The following NFIB variants were observed in gnomAD, a reference collection of about 807,000 sequenced individuals.
NFIB encodes nuclear factor 1 B-type.
NFIB carries 11 observed loss-of-function variants against 61.5 expected under a neutral mutation model. The ratio of observed to expected loss-of-function variants is 0.18; its 90% CI spans 0.11 to 0.30. NFIB has a LOEUF of 0.30. NFIB is among the 10% of genes least tolerant of loss of function. The probability of loss-of-function intolerance (pLI) is 1.00; values close to 1 mark genes in which losing one functional copy is unlikely to be tolerated. For synonymous variants in NFIB, 260 were observed against 216.5 expected (o/e 1.20, Z -1.76); for missense variants, 471 against 608.9 (o/e 0.77, Z 2.38).
chr9:14,268,777 T>C (rs1563960995), intron 2 of NFIB, among the ~76,000 whole-genome samples: 2 of 152,240 alleles, frequency 1.3e-5, no homozygotes, highest in African/African-American at 4.8e-5. Context: ...ATTACTTCAT[T>C]GGTCTTCATA....
chr9:14,475,912 T>C, the NFIB span, among the ~76,000 whole-genome samples: 2 of 152,180 alleles, frequency 1.3e-5, no homozygotes, highest in Admixed American at 6.5e-5. Context: ...TTCAATTTGG[T>C]AGATCTTCCC....
At chr9:14,223,163 G>A (rs74746795) in intron 2 of NFIB, among the ~76,000 whole-genome samples, 10,689 of 152,282 alleles carry the variant, frequency 0.07, 488 homozygotes, top group Middle Eastern at 0.11. Context: ...CAGCCTGCAG[G>A]CCATGGGTTG....
chr9:14,232,189 A>G (rs2053268390), intron 2 of NFIB, among the ~76,000 whole-genome samples: 1 of 152,198 alleles, frequency 6.6e-6, no homozygotes, highest in African/African-American at 2.4e-5. Context: ...TGTTAGGAAG[A>G]AAAAAACGTA....
intron 10 of NFIB, among the ~76,000 whole-genome samples, chr9:14,105,692 A>C (rs1007407737): frequency 2.0e-5 from 3 of 152,160 alleles, no homozygotes; most frequent in African/African-American, 7.2e-5. Flanking sequence ...ATTCCTAAGA[A>C]AATCAATTTC....
intron 3 of NFIB, among the ~76,000 whole-genome samples, chr9:14,176,270 A>C (rs2046181088): frequency 1.3e-5 from 2 of 151,820 alleles, no homozygotes; most frequent in South Asian, 2.1e-4. Context: ...AAAAAAAAAA[A>C]AAAAACAAAG....
the NFIB span, among the ~76,000 whole-genome samples, chr9:14,460,611 T>C: frequency 6.6e-6 from 1 of 152,198 alleles, no homozygotes; most frequent in Non-Finnish European, 1.5e-5. Context: ...CTGAACTCAA[T>C]ATAATAAATG....
chr9:14,221,674 G>T (rs76361508), intron 2 of NFIB, among the ~76,000 whole-genome samples: 4,076 of 152,182 alleles, frequency 0.027, 171 homozygotes, highest in African/African-American at 0.091. Flanking sequence ...TAACAGCCAG[G>T]GTAAGACCCA....
the NFIB span, among the ~76,000 whole-genome samples, chr9:14,417,906 G>T: frequency 6.7e-6 from 1 of 148,652 alleles, no homozygotes; most frequent in Admixed American, 6.9e-5. Flanking sequence ...TCAGCCTCCC[G>T]GGTAGCTGGG....
the NFIB span, among the ~76,000 whole-genome samples, chr9:14,517,809 G>C: frequency 6.6e-6 from 1 of 152,072 alleles, no homozygotes; most frequent in Admixed American, 6.6e-5. Context: ...TCCCAGTTCA[G>C]AGTCATGCTC....
intron 2 of NFIB, among the ~76,000 whole-genome samples, chr9:14,237,142 T>C (rs1207439728): frequency 2.0e-5 from 3 of 152,178 alleles, no homozygotes; most frequent in Non-Finnish European, 2.9e-5. Context: ...AACAATTGAA[T>C]TTAGCCCTAA....
chr9:14,239,704 C>T (rs1587852541), intron 2 of NFIB, among the ~76,000 whole-genome samples: 3 of 152,050 alleles, frequency 2.0e-5, no homozygotes, highest in East Asian at 1.9e-4. Context: ...GAACCTTACA[C>T]GATTATAATG....
chr9:14,347,671 C>G (rs1266573036), intron 1 of NFIB, among the ~76,000 whole-genome samples: 1 of 152,052 alleles, frequency 6.6e-6, no homozygotes, highest in Admixed American at 6.5e-5. Flanking sequence ...GCCCAAGGTC[C>G]CAGAGGCACT....
At chr9:14,507,318 A>G in the NFIB span, among the ~76,000 whole-genome samples, 1 of 152,230 alleles carries the variant, frequency 6.6e-6, no homozygotes, top group Non-Finnish European at 1.5e-5. Context: ...TTATTTTTGC[A>G]TAAGTGGAGC....
chr9:14,273,435 T>C (rs2057768873), intron 2 of NFIB, among the ~76,000 whole-genome samples: 1 of 152,152 alleles, frequency 6.6e-6, no homozygotes, highest in Non-Finnish European at 1.5e-5. Flanking sequence ...TTAAATTTCT[T>C]TACCATGATA....
intron 3 of NFIB, among the ~76,000 whole-genome samples, chr9:14,169,232 T>C (rs2045283629): frequency 6.6e-6 from 1 of 152,166 alleles, no homozygotes; most frequent in Non-Finnish European, 1.5e-5. Flanking sequence ...GTGATGATTT[T>C]AATAAGATCA....
At chr9:14,287,391 T>A (rs1411883382) in intron 2 of NFIB, among the ~76,000 whole-genome samples, 2 of 149,988 alleles carry the variant, frequency 1.3e-5, no homozygotes, top group Non-Finnish European at 3.0e-5. Flanking sequence ...ATCACGCCAC[T>A]GCACTCCAGC....
chr9:14,267,406 A>G (rs1471309852), intron 2 of NFIB, among the ~76,000 whole-genome samples: 1 of 152,204 alleles, frequency 6.6e-6, no homozygotes, highest in Non-Finnish European at 1.5e-5. Flanking sequence ...GGTTATCTCA[A>G]TAAATGCAAA....
At chr9:14,503,898 A>C in the NFIB span, among the ~76,000 whole-genome samples, 1 of 152,156 alleles carries the variant, frequency 6.6e-6, no homozygotes, top group Non-Finnish European at 1.5e-5. Context: ...TCTTCGCCTA[A>C]GCCAATGTCT....
chr9:14,131,209 C>T (rs892503723), intron 6 of NFIB, among the ~76,000 whole-genome samples: 6 of 152,020 alleles, frequency 3.9e-5, no homozygotes, highest in East Asian at 1.9e-4. Context: ...AGAAACTCAT[C>T]GTGTAGTTGA....
Sources: gnomAD v4.1 joint callset for allele counts (sites outside exome capture counted in the v4.1 genomes callset) on GRCh38, gnomAD v4.1.1 for gene constraint, MANE v1.5 for transcripts, NCBI Gene and HGNC (gene_info 2026-07-23, HGNC 2026-07-21) for gene names.